EGFLAM: variants seen among roughly 807,000 people sequenced by gnomAD.
EGFLAM encodes pikachurin.
EGFLAM carries 79 observed loss-of-function variants against 113.1 expected under a neutral mutation model. The observed-to-expected ratio is 0.70, with a 90% CI of 0.58 to 0.84. The LOEUF is 0.84. EGFLAM is among the 40% of genes least tolerant of loss of function. The pLI is 0.00. For synonymous variants in EGFLAM, 504 were observed against 487.6 expected (o/e 1.03, Z -0.44); for missense variants, 1,265 against 1,291.6 (o/e 0.98, Z 0.32).
intron 3 of EGFLAM, among the ~76,000 whole-genome samples, chr5:38,343,030 G>A (rs985343368): frequency 2.0e-5 from 3 of 152,244 alleles, no homozygotes; most frequent in Non-Finnish European, 4.4e-5. Context: ...ATCAGAAGAC[G>A]TGTTCCTGCT....
intron 1 of EGFLAM, among the ~76,000 whole-genome samples, chr5:38,265,334 C>G (rs867589317): frequency 6.6e-6 from 1 of 152,202 alleles, no homozygotes; most frequent in Non-Finnish European, 1.5e-5. Flanking sequence ...CAGGGCTATC[C>G]TGTGGCTACC....
At chr5:38,297,740 C>T (rs576389232) in intron 1 of EGFLAM, among the ~76,000 whole-genome samples, 6 of 152,314 alleles carry the variant, frequency 3.9e-5, no homozygotes, top group Admixed American at 3.9e-4. Context: ...GTGATTAGCG[C>T]CAAAGGATCA....
chr5:38,310,796 C>T (rs910121969), intron 1 of EGFLAM, among the ~76,000 whole-genome samples: 8 of 152,154 alleles, frequency 5.3e-5, no homozygotes, highest in Non-Finnish European at 7.3e-5. Context: ...TGACCTGACA[C>T]GCCACTATTT....
intron 17 of EGFLAM, among the ~76,000 whole-genome samples, chr5:38,439,775 T>C (rs1742473791): frequency 6.6e-6 from 1 of 152,254 alleles, no homozygotes; most frequent in Non-Finnish European, 1.5e-5. Context: ...TACAGAGATT[T>C]AGCTGAAGAG....
intron 6 of EGFLAM, among the ~76,000 whole-genome samples, chr5:38,383,056 C>T (rs77919445): frequency 6.6e-6 from 1 of 152,176 alleles, no homozygotes; most frequent in Non-Finnish European, 1.5e-5. Context: ...CGAGCCCTTG[C>T]GACTCAGTCT....
At chr5:38,398,049 C>T (rs868755707) in intron 6 of EGFLAM, among the ~76,000 whole-genome samples, 3 of 152,090 alleles carry the variant, frequency 2.0e-5, no homozygotes, top group Non-Finnish European at 4.4e-5. Context: ...ATAACCCAAG[C>T]CAAAGTGACT....
chr5:38,272,963 C>A (rs1420503686), intron 1 of EGFLAM, among the ~76,000 whole-genome samples: 2 of 152,012 alleles, frequency 1.3e-5, no homozygotes, highest in Non-Finnish European at 2.9e-5. Flanking sequence ...TGGAATAGGA[C>A]TCTCCAGCAA....
In EGFLAM at chr5:38,429,507, G is replaced by A. The variant is rs564467114; in HGVS notation, c.2055-1670G>A. ...GAAGTTCAGCGAGGGCCAGGAACTA[G>A]ACATTGCTAGAAATACAAATGCAAT... On this transcript the variant is annotated intron_variant, in intron 14 of 21. Transcript: ENST00000322350. Among the ~76,000 whole-genome samples, 12 of 152,314 alleles carry A rather than the reference G, an allele frequency of 7.9e-5. No individual in the cohort carries two copies. The East Asian group carries it at 1.2e-3, about 15-fold the overall frequency.
intron 16 of EGFLAM, 87 bp from the exon 17 acceptor site, chr5:38,438,188 G>C: frequency 6.9e-7 from 1 of 1,448,908 alleles, no homozygotes; most frequent in Non-Finnish European, 9.3e-7. Flanking sequence ...CCTATGTGTA[G>C]CTCAGGTTAA....
At chr5:38,312,505 C>G (rs895482351) in intron 1 of EGFLAM, among the ~76,000 whole-genome samples, 14 of 152,032 alleles carry the variant, frequency 9.2e-5, no homozygotes, top group South Asian at 2.1e-4. Context: ...CTCCCAAAGT[C>G]CTGGGATTAC....
chr5:38,298,467 C>T (rs546291736), intron 1 of EGFLAM, among the ~76,000 whole-genome samples: 9 of 152,246 alleles, frequency 5.9e-5, no homozygotes, highest in African/African-American at 9.6e-5. Flanking sequence ...AGCCCCAATT[C>T]GTTGGATCAT....
chr5:38,371,407 C>A (rs967670164), intron 6 of EGFLAM, among the ~76,000 whole-genome samples: 1 of 152,110 alleles, frequency 6.6e-6, no homozygotes, highest in African/African-American at 2.4e-5. Context: ...GCTGAATAAT[C>A]TCCTCTCCTC....
At chr5:38,321,788 C>T (rs1232435933) in intron 1 of EGFLAM, among the ~76,000 whole-genome samples, 1 of 152,190 alleles carries the variant, frequency 6.6e-6, no homozygotes, top group Non-Finnish European at 1.5e-5. Flanking sequence ...GTTTGTGAAG[C>T]AGCGTGACAC....
intron 11 of EGFLAM, among the ~76,000 whole-genome samples, chr5:38,417,574 C>T (rs1005640853): frequency 5.9e-5 from 9 of 151,962 alleles, no homozygotes; most frequent in South Asian, 4.2e-4. Flanking sequence ...CCCCTCCACC[C>T]CCCGTCCACC....
chr5:38,338,812 A>G (rs985746736), intron 3 of EGFLAM, 31 bp downstream of exon 3: 49 of 1,591,210 alleles, frequency 3.1e-5, no homozygotes, highest in Non-Finnish European at 4.1e-5. Flanking sequence ...AGCCCACTCA[A>G]AAGCATGTGG....
chr5:38,371,611 C>T (rs73075424), intron 6 of EGFLAM, among the ~76,000 whole-genome samples: 1,626 of 151,410 alleles, frequency 0.011, 36 homozygotes, highest in African/African-American at 0.038. Context: ...CACACACATG[C>T]GCACACACAC....
chr5:38,392,635 GGC>G lies in EGFLAM; in HGVS notation c.713-13489_713-13488del, dbSNP rs1378464948. Among the ~76,000 whole-genome samples the G allele has an allele frequency of 8.0e-3, 1,208 of 150,856 alleles. 22 individuals are homozygous for G. The highest frequency in any genetic ancestry group is 0.027 in the African/African-American group (1,118 of 40,790). ...AGAATCTATTCTTTTTTTTTGGGGG[GGC>G]GGTTCTCACTGGGATTTAATATCAT... On this transcript the variant is annotated intron_variant, in intron 6 of 21. Coordinates refer to ENST00000322350, the MANE Select transcript of EGFLAM (RefSeq NM_152403.4).
chr5:38,331,313 T>C (rs1387218558), intron 1 of EGFLAM, among the ~76,000 whole-genome samples: 2 of 152,174 alleles, frequency 1.3e-5, no homozygotes, highest in African/African-American at 4.8e-5. Flanking sequence ...TTCTATGGGT[T>C]TAAACAAATG....
rs1338199807 is a variant in EGFLAM at position 38,408,973 on chromosome 5, G to C, written c.1249-31G>C. 2.6e-6 allele frequency: 4 copies of C among 1,547,448 alleles called. No homozygotes were observed. The South Asian group carries it at 4.7e-5, about 18-fold the overall frequency. ...CCTTAAGGAAGGGGAGGTGCTTACT[G>C]TTCATGTGGCTTTTGTTTGTATAAT... On this transcript the variant is annotated intron_variant, in intron 9 of 21. Coordinates refer to ENST00000322350, the MANE Select transcript of EGFLAM (RefSeq NM_152403.4).
Sources: allele counts gnomAD v4.1 joint callset (sites outside exome capture counted in the v4.1 genomes callset), GRCh38; gene constraint gnomAD v4.1.1; transcripts MANE v1.5; gene names NCBI Gene and HGNC (gene_info 2026-07-23, HGNC 2026-07-21).